The following TMEM178B variants were observed in gnomAD, a reference collection of about 807,000 sequenced individuals.
TMEM178B encodes the protein transmembrane protein 178B.
A neutral mutation model predicts 31.0 loss-of-function variants in TMEM178B; 5 were observed. The ratio of observed to expected loss-of-function variants is 0.16; its 90% CI spans 0.08 to 0.34. The LOEUF (loss-of-function observed/expected upper bound fraction) is 0.34. Ranked by LOEUF, TMEM178B falls within the 10% of genes least tolerant of loss-of-function variation. TMEM178B has a pLI of 1.00. For missense variants in TMEM178B, 275 were observed against 400.3 expected, an observed-to-expected ratio of 0.69 and a Z score of 2.67; for synonymous variants, 164 against 164.0, an observed-to-expected ratio of 1.00 and a Z score of 0.00.
At chr7:141,509,666 C>A in the TMEM178B span, among the ~76,000 whole-genome samples, 462 of 152,136 alleles carry the variant, frequency 3.0e-3, 6 homozygotes, top group African/African-American at 0.01. Flanking sequence ...CAAAACAAAA[C>A]AAAACAAAAC....
intron 1 of TMEM178B, among the ~76,000 whole-genome samples, chr7:141,133,226 A>G (rs1237508362): frequency 6.6e-6 from 1 of 152,204 alleles, no homozygotes; most frequent in African/African-American, 2.4e-5. Context: ...TTGTTCAGCA[A>G]CAGATTCTAA....
In TMEM178B at chr7:141,455,963, G is replaced by A. The variant is rs148616687; in HGVS notation, c.635-14573G>A. ...GCTTGAATCAGATAGGGCAGAAGCC[G>A]GAGAGATTTCATTCAGGACACAATT... is the stretch of plus-strand genomic sequence containing the variant. On this transcript the variant is annotated intron_variant, in intron 3 of 3. Transcript: ENST00000565468. 2.7e-3 allele frequency among the ~76,000 whole-genome samples: 407 copies of A among 152,366 alleles called. 3 individuals are homozygous for A. The highest frequency in any genetic ancestry group is 9.3e-3 in the African/African-American group (387 of 41,584).
intron 2 of TMEM178B, among the ~76,000 whole-genome samples, chr7:141,375,586 G>C (rs1379067061): frequency 6.6e-6 from 1 of 152,170 alleles, no homozygotes; most frequent in Non-Finnish European, 1.5e-5. Context: ...GAAAGTATTT[G>C]ACTCCAGGGG....
intron 1 of TMEM178B, among the ~76,000 whole-genome samples, chr7:141,125,554 G>A (rs1586783590): frequency 6.6e-6 from 1 of 151,708 alleles, no homozygotes; most frequent in Non-Finnish European, 1.5e-5. Flanking sequence ...GGTGGCACAC[G>A]CCTGTAATCC....
intron 1 of TMEM178B, among the ~76,000 whole-genome samples, chr7:141,153,833 A>G (rs2129180791): frequency 6.6e-6 from 1 of 152,204 alleles, no homozygotes; most frequent in African/African-American, 2.4e-5. Flanking sequence ...ATATTTTTCC[A>G]TTTATCATGT....
At chr7:141,429,604 A>C (rs1801385898) in intron 2 of TMEM178B, 1 of 152,224 alleles carries the variant, frequency 6.6e-6, no homozygotes, top group African/African-American at 2.4e-5. Context: ...AGATAGGAGA[A>C]GTAAATTTCA....
At chr7:141,097,261 C>T (rs990321611) in intron 1 of TMEM178B, among the ~76,000 whole-genome samples, 7 of 147,110 alleles carry the variant, frequency 4.8e-5, no homozygotes, top group African/African-American at 1.5e-4. Context: ...CCCAGCTACT[C>T]GGGAGGCTGA....
At chr7:141,163,175 C>A (rs772075847) in intron 1 of TMEM178B, among the ~76,000 whole-genome samples, 2 of 152,184 alleles carry the variant, frequency 1.3e-5, no homozygotes, top group Non-Finnish European at 2.9e-5. Context: ...GCCTGAGGTG[C>A]CTTAGCTAGG....
chr7:141,082,531 TAATA>T (rs1283037964), intron 1 of TMEM178B, among the ~76,000 whole-genome samples: 1 of 152,256 alleles, frequency 6.6e-6, no homozygotes, highest in Non-Finnish European at 1.5e-5. Flanking sequence ...TGCCCATATG[TAATA>T]AATAAACACT....
At chr7:141,105,513 TAAACA>T (rs572886520) in intron 1 of TMEM178B, among the ~76,000 whole-genome samples, 1 of 151,996 alleles carries the variant, frequency 6.6e-6, no homozygotes, top group Admixed American at 6.6e-5. Flanking sequence ...TCTCAAAAAC[TAAACA>T]AAACAAAACA....
chr7:141,421,868 A>C (rs2116653095), intron 2 of TMEM178B, among the ~76,000 whole-genome samples: 1 of 152,034 alleles, frequency 6.6e-6, no homozygotes, highest in South Asian at 2.1e-4. Flanking sequence ...CAACCTTTTA[A>C]GCCCATCCTT....
intron 1 of TMEM178B, among the ~76,000 whole-genome samples, chr7:141,161,990 G>T (rs1328869487): frequency 6.6e-6 from 1 of 152,060 alleles, no homozygotes. Context: ...GCACTTGCAG[G>T]CAGAAAGGGA....
At chr7:141,337,563 C>A (rs1191913818) in intron 2 of TMEM178B, among the ~76,000 whole-genome samples, 1 of 152,122 alleles carries the variant, frequency 6.6e-6, no homozygotes, top group Non-Finnish European at 1.5e-5. Context: ...AAGTTTAAGG[C>A]CTAGAGATAC....
intron 1 of TMEM178B, among the ~76,000 whole-genome samples, chr7:141,103,724 T>C (rs977485717): frequency 6.6e-6 from 1 of 152,222 alleles, no homozygotes; most frequent in African/African-American, 2.4e-5. Flanking sequence ...ATTTGTACAA[T>C]AATGAGATGT....
intron 3 of TMEM178B, among the ~76,000 whole-genome samples, chr7:141,455,944 A>G (rs1801953938): frequency 6.6e-6 from 1 of 152,256 alleles, no homozygotes; most frequent in East Asian, 1.9e-4. Context: ...ATTGGCTTGA[A>G]TCAGATAGGG....
At chr7:141,131,321 A>AT (rs566745604) in intron 1 of TMEM178B, among the ~76,000 whole-genome samples, 19 of 151,698 alleles carry the variant, frequency 1.3e-4, no homozygotes, top group Admixed American at 5.3e-4. Flanking sequence ...AAGCAGCTTA[A>AT]TTTTTTTTTA....
chr7:141,100,263 G>T (rs1016536680), intron 1 of TMEM178B, among the ~76,000 whole-genome samples: 1 of 150,518 alleles, frequency 6.6e-6, no homozygotes, highest in Non-Finnish European at 1.5e-5. Context: ...GTTGGGCCAC[G>T]TATTCTATAA....
intron 2 of TMEM178B, among the ~76,000 whole-genome samples, chr7:141,317,339 C>G (rs1462590214): frequency 2.0e-5 from 3 of 152,138 alleles, no homozygotes; most frequent in African/African-American, 7.2e-5. Context: ...GGGTTTCATG[C>G]TGAAGCGAAG....
intron 1 of TMEM178B, among the ~76,000 whole-genome samples, chr7:141,116,250 A>G (rs1055541274): frequency 3.3e-5 from 5 of 152,196 alleles, no homozygotes; most frequent in Non-Finnish European, 5.9e-5. Flanking sequence ...CACAGCCATA[A>G]GCCCAAAGCA....
Sources: gnomAD v4.1 joint callset for allele counts (sites outside exome capture counted in the v4.1 genomes callset) on GRCh38, gnomAD v4.1.1 for gene constraint, MANE v1.5 for transcripts, NCBI Gene and HGNC (gene_info 2026-07-23, HGNC 2026-07-21) for gene names.